Variants in YPEL1 observed in about 807,000 individuals in gnomAD.
YPEL1 encodes the protein yippee like 1.
YPEL1 carries 7 observed loss-of-function variants against 17.3 expected under a neutral mutation model. That is an observed-to-expected ratio of 0.40 (90% confidence interval 0.23 to 0.76). The LOEUF (loss-of-function observed/expected upper bound fraction) is 0.76. YPEL1 is among the 30% of genes least tolerant of loss of function. YPEL1 has a pLI of 0.35. For synonymous variants in YPEL1, 59 were observed against 59.6 expected (o/e 0.99, Z 0.05); for missense variants, 91 against 155.5 (o/e 0.59, Z 2.21).
At chr22:21,717,376 C>CAAAA (rs751720152) in intron 1 of YPEL1, among the ~76,000 whole-genome samples, 5 of 61,468 alleles carry the variant, frequency 8.1e-5, no homozygotes, top group African/African-American at 2.1e-4. Context: ...TAGTCCGTCT[C>CAAAA]AAAAAAAAAA....
At chr22:21,710,561 C>T (rs1450001116) in intron 2 of YPEL1, 67 bp downstream of exon 2, 2 of 1,305,628 alleles carry the variant, frequency 1.5e-6, no homozygotes, top group Non-Finnish European at 2.2e-6. Flanking sequence ...AAATATTCTT[C>T]CACTATGTAG....
chr22:21,722,927 G>A (rs957020166), intron 1 of YPEL1: 1 of 151,970 alleles, frequency 6.6e-6, no homozygotes, highest in Non-Finnish European at 1.5e-5. Context: ...GAGTGCAGTG[G>A]CTATTTACAG....
chr22:21,714,249 G>A (rs1185957999), intron 1 of YPEL1, among the ~76,000 whole-genome samples: 1 of 152,218 alleles, frequency 6.6e-6, no homozygotes, highest in Non-Finnish European at 1.5e-5. Flanking sequence ...ACGGCCGGTG[G>A]CGGCCACCCA....
chr22:21,735,593 A>C (rs1021136936), intron 1 of YPEL1, 22 bp downstream of exon 1: 3 of 151,542 alleles, frequency 2.0e-5, no homozygotes, highest in Non-Finnish European at 4.4e-5. Context: ...GCGCAGCTGC[A>C]GCCAGGCCCG....
chr22:21,717,144 G>C (rs571718053), intron 1 of YPEL1, among the ~76,000 whole-genome samples: 13 of 107,056 alleles, frequency 1.2e-4, no homozygotes, highest in Middle Eastern at 6.3e-3. Context: ...GGCTGGGGGG[G>C]CGGGGGGCGG....
At chr22:21,701,658 A>G (rs1320263406) in intron 4 of YPEL1, among the ~76,000 whole-genome samples, 1 of 152,196 alleles carries the variant, frequency 6.6e-6, no homozygotes, top group Non-Finnish European at 1.5e-5. Flanking sequence ...CATTTACTAC[A>G]TGTGGGACAA....
rs1231539382 is a variant in YPEL1, at chr22:21,706,450, AG to A, written c.118-2569del. ...GCTCCGTCTCACAAAAAAAAAAAAAAGAAAAAAAAATTTAACCTGGAAGTCA... is the reference window on the plus strand; with the variant it reads ...GCTCCGTCTCACAAAAAAAAAAAAAAAAAAAAAAATTTAACCTGGAAGTCA... On this transcript the variant is annotated intron_variant, in intron 2 of 4. Coordinates refer to ENST00000339468, the MANE Select transcript of YPEL1 (RefSeq NM_013313.5). Among the ~76,000 whole-genome samples, 4 of 151,962 alleles carry A rather than the reference AG, an allele frequency of 2.6e-5. No individual in the cohort carries two copies. The South Asian group carries it at 6.2e-4, about 24-fold the overall frequency.
chr22:21,713,160 G>T (rs566624325), intron 1 of YPEL1, among the ~76,000 whole-genome samples: 1 of 152,246 alleles, frequency 6.6e-6, no homozygotes, highest in South Asian at 2.1e-4. Context: ...TGCATTGAGG[G>T]TAAAAATGTA....
At chr22:21,725,291 C>T (rs1252242062) in intron 1 of YPEL1, among the ~76,000 whole-genome samples, 2 of 150,410 alleles carry the variant, frequency 1.3e-5, no homozygotes, top group Non-Finnish European at 2.9e-5. Flanking sequence ...GCAATCTCGG[C>T]TCAATGCAAG....
At position 21,703,332 on chromosome 22, in the gene YPEL1, A is replaced by C; in HGVS notation, c.270+38T>G. 4 of 1,589,660 alleles carry C rather than the reference A, an allele frequency of 2.5e-6. No homozygotes were observed. Among genetic ancestry groups the C allele is most frequent in the Non-Finnish European group, 3.4e-6 (4 of 1,160,302 alleles). On this transcript the variant is annotated intron_variant, in intron 4 of 4. Transcript: ENST00000339468. This position sits in a 1 kb window ranked among gnomAD's most constrained non-coding sequence, Gnocchi z 6.1. ...TGGCTCAGTGGCAACTTAGTGCCAC[A>C]TCCCCTTGTGGCACGAGCATCCCCT...
chr22:21,729,115 C>A (rs926776267), intron 1 of YPEL1, among the ~76,000 whole-genome samples: 1 of 148,812 alleles, frequency 6.7e-6, no homozygotes, highest in Admixed American at 6.8e-5. Flanking sequence ...TGTACTCCAG[C>A]CTGGGCAACA....
chr22:21,723,812 C>T (rs2068306503), intron 1 of YPEL1, among the ~76,000 whole-genome samples: 1 of 151,630 alleles, frequency 6.6e-6, no homozygotes, highest in Non-Finnish European at 1.5e-5. Flanking sequence ...TCTACAGGTG[C>T]ACGTCATCAC....
In YPEL1 at chr22:21,698,008, C is replaced by G. The variant is rs746818771; in HGVS notation, c.*3121G>C. The G allele has an allele frequency of 6.6e-6, 1 of 152,248 alleles. No individual in the cohort carries two copies. The highest frequency in any genetic ancestry group is 2.4e-5 in the African/African-American group (1 of 41,416). The allele number at this position is 152,248 out of a possible 1,614,324, so 9.4% of individuals were successfully genotyped here. A position where few individuals can be genotyped will look rare whatever the true frequency, so the allele number is the denominator to read the frequency against. Reference sequence around the variant, plus strand: ...AAAACAATGCCAAACCACATTCCTACAGCAAATGCACTGTGCCATTTATAA... The same window carrying G: ...AAAACAATGCCAAACCACATTCCTAGAGCAAATGCACTGTGCCATTTATAA... On this transcript the variant is annotated 3_prime_UTR_variant, in exon 5 of 5. Transcript: ENST00000339468.
chr22:21,704,023 T>C (rs2068092729), intron 2 of YPEL1, 141 bp from the exon 3 acceptor site: 1 of 877,540 alleles, frequency 1.1e-6, no homozygotes, highest in African/African-American at 1.7e-5. Flanking sequence ...GCGTCCCCCC[T>C]CCAGAACTCC....
intron 1 of YPEL1, among the ~76,000 whole-genome samples, chr22:21,715,651 C>A (rs942332452): frequency 2.0e-5 from 3 of 150,258 alleles, no homozygotes; most frequent in Non-Finnish European, 4.4e-5. Flanking sequence ...GCACCATCTG[C>A]GCTCACTGCA....
chr22:21,714,929 T>C (rs144989144), intron 1 of YPEL1, among the ~76,000 whole-genome samples: 23 of 152,308 alleles, frequency 1.5e-4, no homozygotes, highest in African/African-American at 5.3e-4. Flanking sequence ...TCCTTACTGA[T>C]TCGTAGGAGT....
rs909092371 is a variant in YPEL1, at chr22:21,708,840, AT to A, written c.117+1787del. Reference sequence around the variant, plus strand: ...TGCCACCACACCCGGCTAATTTTGTATTTTTTTTAGTAGAGACGGGGTTTCT... The same window carrying A: ...TGCCACCACACCCGGCTAATTTTGTATTTTTTTAGTAGAGACGGGGTTTCT... On this transcript the variant is annotated intron_variant, in intron 2 of 4. Coordinates refer to ENST00000339468, the MANE Select transcript of YPEL1 (RefSeq NM_013313.5). Among the ~76,000 whole-genome samples the A allele has an allele frequency of 4.5e-3, 675 of 149,962 alleles. 7 individuals are homozygous for A. The highest frequency in any genetic ancestry group is 0.016 in the African/African-American group (636 of 40,694).
intron 1 of YPEL1, among the ~76,000 whole-genome samples, chr22:21,726,457 C>T (rs900253889): frequency 3.9e-5 from 6 of 152,190 alleles, no homozygotes; most frequent in African/African-American, 1.4e-4. Flanking sequence ...GTCCCACAGG[C>T]GGGTACTCAA....
Position 21,699,332 on chromosome 22 carries a change from C to G in YPEL1, c.*1797G>C, listed in dbSNP as rs78285452. ...CTCAGTGCTCTCCTATCTGCTGCCC[C>G]TCGGTCCCCCTGCCTGCCCTCTGCC... On this transcript the variant is annotated 3_prime_UTR_variant, in exon 5 of 5. Transcript: ENST00000339468. 3 of 152,744 alleles carry G rather than the reference C, an allele frequency of 2.0e-5. No individual in the cohort carries two copies. The highest frequency in any genetic ancestry group is 4.4e-5 in the Non-Finnish European group (3 of 68,238). The allele number at this position is 152,744 out of a possible 1,614,324, so 9.5% of individuals were successfully genotyped here. A position where few individuals can be genotyped will look rare whatever the true frequency, so the allele number is the denominator to read the frequency against.
Sources: allele counts gnomAD v4.1 joint callset (sites outside exome capture counted in the v4.1 genomes callset), GRCh38; gene constraint gnomAD v4.1.1; non-coding constraint Gnocchi (gnomAD v3.1); transcripts MANE v1.5; gene names NCBI Gene and HGNC (gene_info 2026-07-23, HGNC 2026-07-21).